MGA: variants seen among roughly 807,000 people sequenced by gnomAD.
The protein encoded by MGA is MAX dimerization protein MGA.
In MGA, 40 loss-of-function variants were observed where a neutral mutation model predicts 261.1. That is an observed-to-expected ratio of 0.15 (90% CI 0.12 to 0.20). The LOEUF (loss-of-function observed/expected upper bound fraction) is 0.20, where lower values mean the gene tolerates loss of function less well. MGA is among the 10% of genes least tolerant of loss of function. The pLI is 1.00. For synonymous variants in MGA, 1,302 were observed against 1,290.6 expected, an observed-to-expected ratio of 1.01 and a Z score of -0.19; for missense variants, 3,397 against 3,630.5, an observed-to-expected ratio of 0.94 and a Z score of 1.65.
intron 2 of MGA, among the ~76,000 whole-genome samples, chr15:41,686,090 C>G (rs1002566274): frequency 2.6e-5 from 4 of 151,818 alleles, no homozygotes; most frequent in African/African-American, 9.7e-5. Flanking sequence ...TTTATAGAGT[C>G]CTTTAGAAAT....
chr15:41,718,435 G>T, intron 9 of MGA: 1 of 1,189,924 alleles, frequency 8.4e-7, no homozygotes, highest in East Asian at 2.4e-5. Context: ...AGGTAGCCCT[G>T]GAGCTGAGGA....
intron 2 of MGA, among the ~76,000 whole-genome samples, chr15:41,686,705 A>G (rs1271449361): frequency 6.6e-6 from 1 of 152,110 alleles, no homozygotes; most frequent in African/African-American, 2.4e-5. Flanking sequence ...GTTGAATTTC[A>G]TCAAATGATT....
intron 1 of MGA, among the ~76,000 whole-genome samples, chr15:41,628,330 G>A (rs2056506546): frequency 7.0e-6 from 1 of 143,630 alleles, no homozygotes. Flanking sequence ...TCGTGCCACT[G>A]CTCTCCAGCC....
chr15:41,704,413 AC>A (rs1043071115), intron 5 of MGA, among the ~76,000 whole-genome samples: 1 of 152,180 alleles, frequency 6.6e-6, no homozygotes, highest in African/African-American at 2.4e-5. Flanking sequence ...TAATCCCAGC[AC>A]TTTGGGAGGC....
intron 15 of MGA, among the ~76,000 whole-genome samples, chr15:41,743,601 G>A (rs930622270): frequency 6.6e-6 from 1 of 152,192 alleles, no homozygotes; most frequent in Admixed American, 6.5e-5. Flanking sequence ...GAGGAAACAT[G>A]ACCTGTGTGC....
intron 1 of MGA, among the ~76,000 whole-genome samples, chr15:41,636,516 A>G (rs1048285731): frequency 6.7e-6 from 1 of 148,968 alleles, no homozygotes. Flanking sequence ...GCTGGAGTAC[A>G]GTGGCGGGAT....
intron 11 of MGA, among the ~76,000 whole-genome samples, chr15:41,733,787 GTT>G (rs1367209107): frequency 4.1e-4 from 62 of 152,302 alleles, no homozygotes; most frequent in Non-Finnish European, 8.8e-5. Context: ...CAGAATGCCT[GTT>G]AATAGAGGAT....
intron 9 of MGA, among the ~76,000 whole-genome samples, chr15:41,717,152 G>A (rs1218181153): frequency 2.5e-5 from 1 of 40,542 alleles, no homozygotes; most frequent in Non-Finnish European, 5.0e-5. Flanking sequence ...TTTCTGCCTT[G>A]TACAATTTCT....
chr15:41,746,569 G>A (rs1004294952), intron 15 of MGA, among the ~76,000 whole-genome samples: 3 of 146,634 alleles, frequency 2.0e-5, no homozygotes, highest in Non-Finnish European at 4.5e-5. Flanking sequence ...AAAAAAAAAG[G>A]TAGATGAATA....
At position 41,711,281 on chromosome 15, in the gene MGA, G is replaced by C. The variant is rs777085424; in HGVS notation, c.3016G>C (p.Gly1006Arg). The C allele has an allele frequency of 4.3e-6, 7 of 1,613,882 alleles. No individual in the cohort carries two copies. Among genetic ancestry groups the C allele is most frequent in the Non-Finnish European group, 5.1e-6 (6 of 1,179,862 alleles). ...CCTGGAAGACTGTGCACTTTGGGAA[G>C]GAAAACCAAGGACATACATCACAGA... The change falls in exon 8 of 24, where the codon GGA becomes CGA. Residue 1006 changes from glycine (G) to arginine (R), a missense_variant. This residue lies in a region of MGA where 519 missense variants were observed against 554.1 expected (regional missense o/e 0.94). Coordinates refer to ENST00000219905, the MANE Select transcript of MGA (RefSeq NM_001164273.2).
intron 2 of MGA, among the ~76,000 whole-genome samples, chr15:41,678,635 C>T (rs548757460): frequency 1.1e-4 from 16 of 151,566 alleles, no homozygotes; most frequent in Middle Eastern, 3.4e-3. Context: ...GGCATGGTGG[C>T]GCACACCTGT....
intron 9 of MGA, among the ~76,000 whole-genome samples, chr15:41,720,559 C>T (rs1443253555): frequency 1.3e-5 from 2 of 151,992 alleles, no homozygotes; most frequent in African/African-American, 4.8e-5. Flanking sequence ...AGGCCAGACG[C>T]GATGGCTTAC....
chr15:41,693,274 C>A (rs987675237), intron 2 of MGA, among the ~76,000 whole-genome samples: 4 of 151,564 alleles, frequency 2.6e-5, no homozygotes, highest in Non-Finnish European at 5.9e-5. Flanking sequence ...CGTCATCTAG[C>A]ATTAGGTATA....
At position 41,767,218 on chromosome 15, in the gene MGA, T is replaced by A. The variant is rs1306611326; in HGVS notation, c.9136T>A (p.Leu3046Met). ...CCGGGAAAGCAAGGTGATGCCTACA[T>A]TGGCACCTGTTGTGGCTAAATTGGG... Residue 3046 changes from leucine to methionine, a missense_variant, in exon 24 of 24, where the codon TTG becomes ATG. This residue lies in a region of MGA where 647 missense variants were observed against 642.4 expected (regional missense o/e 1.01). Coordinates refer to ENST00000219905, the MANE Select transcript of MGA (RefSeq NM_001164273.2). 5 of 1,613,858 alleles carry A rather than the reference T, an allele frequency of 3.1e-6. No individual in the cohort carries two copies. The highest frequency in any genetic ancestry group is 4.2e-6 in the Non-Finnish European group (5 of 1,179,872).
chr15:41,747,691 G>A (rs971931890), intron 15 of MGA, among the ~76,000 whole-genome samples: 1 of 152,122 alleles, frequency 6.6e-6, no homozygotes, highest in African/African-American at 2.4e-5. Context: ...GTGCGATGCT[G>A]TCTCAAAAGA....
At position 41,673,945 on chromosome 15, in the gene MGA, G is replaced by A. The variant is rs888679379; in HGVS notation, c.1064+3987G>A. On this transcript the variant is annotated intron_variant, in intron 2 of 23. Transcript: ENST00000219905. ...CTTGCTCTGTCACCCAGGCTGAAGC[G>A]CAGTGGCGCGATCTCGACTCACGGA... is the stretch of plus-strand genomic sequence containing the variant. Among the ~76,000 whole-genome samples, 6 of 152,044 alleles carry A rather than the reference G, an allele frequency of 3.9e-5. No individual in the cohort carries two copies. In the East Asian group the frequency reaches 5.8e-4, roughly 15 times the overall value.
At chr15:41,704,518 A>C (rs1252543717) in intron 5 of MGA, among the ~76,000 whole-genome samples, 1 of 152,108 alleles carries the variant, frequency 6.6e-6, no homozygotes, top group Non-Finnish European at 1.5e-5. Flanking sequence ...ATTAGCCAAG[A>C]GTGGTGGTGG....
chr15:41,753,459 C>T (rs1271370585), intron 17 of MGA, among the ~76,000 whole-genome samples: 1 of 151,664 alleles, frequency 6.6e-6, no homozygotes, highest in Non-Finnish European at 1.5e-5. Flanking sequence ...ATCTGCTTAT[C>T]CTATATATCC....
chr15:41,626,419 C>CT (rs999996022), intron 1 of MGA, among the ~76,000 whole-genome samples: 1 of 148,218 alleles, frequency 6.7e-6, no homozygotes, highest in Non-Finnish European at 1.5e-5. Flanking sequence ...TCTAAAAAAA[C>CT]TTTTTTTTTT....
Sources: gnomAD v4.1 joint callset for allele counts (sites outside exome capture counted in the v4.1 genomes callset) on GRCh38, gnomAD v4.1.1 for gene constraint, gnomAD v4.1.1 regional missense constraint, MANE v1.5 for transcripts, NCBI Gene and HGNC (gene_info 2026-07-23, HGNC 2026-07-21) for gene names.